Variants in ERBB4 observed in about 807,000 individuals in gnomAD.
The protein encoded by ERBB4 is receptor tyrosine-protein kinase erbB-4.
A neutral mutation model predicts 158.0 loss-of-function variants in ERBB4; 42 were observed. That is an observed-to-expected ratio of 0.27 (90% CI 0.21 to 0.34). ERBB4 has a LOEUF of 0.34. Among genes scored for constraint, ERBB4 ranks in the 10% least tolerant of loss-of-function variants. The pLI is 1.00. For synonymous variants in ERBB4, 583 were observed against 558.7 expected, an observed-to-expected ratio of 1.04 and a Z score of -0.61; for missense variants, 1,333 against 1,624.1, an observed-to-expected ratio of 0.82 and a Z score of 3.08.
chr2:211,902,497 A>C (rs2079262578), intron 3 of ERBB4, among the ~76,000 whole-genome samples: 1 of 152,008 alleles, frequency 6.6e-6, no homozygotes, highest in South Asian at 2.1e-4. Flanking sequence ...AAAATAATTT[A>C]AACACATTAT....
At chr2:212,174,494 C>T (rs1052781705) in intron 1 of ERBB4, among the ~76,000 whole-genome samples, 8 of 152,068 alleles carry the variant, frequency 5.3e-5, no homozygotes, top group Non-Finnish European at 5.9e-5. Context: ...CTTGCACTTC[C>T]TTTCAGTTGA....
At chr2:211,675,198 T>C (rs571126137) in intron 13 of ERBB4, among the ~76,000 whole-genome samples, 16 of 122,748 alleles carry the variant, frequency 1.3e-4, no homozygotes, top group African/African-American at 5.0e-4. Context: ...CTATTAAGTA[T>C]GAGCTTTGGA....
At chr2:211,690,545 A>G (rs10165301) in intron 12 of ERBB4, among the ~76,000 whole-genome samples, 2,545 of 152,300 alleles carry the variant, frequency 0.017, 52 homozygotes, top group African/African-American at 0.042. Context: ...TCAATAATAA[A>G]CAGGAAACCG....
chr2:212,466,827 A>G (rs1402457857), intron 1 of ERBB4, among the ~76,000 whole-genome samples: 1 of 152,220 alleles, frequency 6.6e-6, no homozygotes, highest in African/African-American at 2.4e-5. Flanking sequence ...CTGAAAAGAC[A>G]GCAAAATGTG....
At chr2:212,045,465 A>T (rs2077238114) in intron 2 of ERBB4, among the ~76,000 whole-genome samples, 1 of 152,216 alleles carries the variant, frequency 6.6e-6, no homozygotes, top group Non-Finnish European at 1.5e-5. Flanking sequence ...TTCTGTCTCA[A>T]CAAATTAAAG....
At chr2:211,977,194 G>C (rs979960033) in intron 2 of ERBB4, among the ~76,000 whole-genome samples, 1 of 152,076 alleles carries the variant, frequency 6.6e-6, no homozygotes, top group Non-Finnish European at 1.5e-5. Context: ...ACTTTTCTGA[G>C]GTGGATAGAG....
In ERBB4 at chr2:211,399,513, G is replaced by A. The variant is rs150488938; in HGVS notation, c.3136-11521C>T. ...ACATCTTCTTCTGCAGATGGCTTGGGTGGAATTGAACTCAGATGCAATTAT... is the reference window on the plus strand; with the variant it reads ...ACATCTTCTTCTGCAGATGGCTTGGATGGAATTGAACTCAGATGCAATTAT... On this transcript the variant is annotated intron_variant, in intron 25 of 27. Coordinates refer to ENST00000342788, the MANE Select transcript of ERBB4 (RefSeq NM_005235.3). Among the ~76,000 whole-genome samples, 890 of 152,246 alleles carry A rather than the reference G, an allele frequency of 5.8e-3. 10 individuals are homozygous for A. Among genetic ancestry groups the A allele is most frequent in the African/African-American group, 0.021 (856 of 41,560 alleles).
chr2:212,495,536 T>C (rs999275500), intron 1 of ERBB4, among the ~76,000 whole-genome samples: 5 of 152,174 alleles, frequency 3.3e-5, no homozygotes, highest in Non-Finnish European at 5.9e-5. Flanking sequence ...AAGTTTGTAT[T>C]GACAAAAAAA....
At chr2:212,110,944 A>T (rs2079385858) in intron 2 of ERBB4, among the ~76,000 whole-genome samples, 1 of 152,204 alleles carries the variant, frequency 6.6e-6, no homozygotes, top group African/African-American at 2.4e-5. Context: ...TAACACTTTC[A>T]TTCTCTGGCC....
intron 2 of ERBB4, among the ~76,000 whole-genome samples, chr2:212,010,365 T>A (rs1215763854): frequency 6.6e-6 from 1 of 152,180 alleles, no homozygotes; most frequent in Non-Finnish European, 1.5e-5. Context: ...AGTATTGTAA[T>A]TATTATTATT....
rs147811244 is a variant in ERBB4 at position 211,933,239 on chromosome 2, C to G, written c.421+14191G>C. On this transcript the variant is annotated intron_variant, in intron 3 of 27. Coordinates refer to ENST00000342788, the MANE Select transcript of ERBB4 (RefSeq NM_005235.3). ...TGCAATTTCTAAGTACGTGAAATGA[C>G]AGTGTAATGCACAGATGTGAAGTTC... Among the ~76,000 whole-genome samples, 323 of 152,144 alleles carry G rather than the reference C, an allele frequency of 2.1e-3. 3 individuals carry two copies. Among genetic ancestry groups the G allele is most frequent in the African/African-American group, 7.4e-3 (306 of 41,556 alleles).
At chr2:211,787,912 T>C in intron 4 of ERBB4, 113 bp downstream of exon 4, 1 of 1,015,524 alleles carries the variant, frequency 9.8e-7, no homozygotes, top group Non-Finnish European at 1.5e-6. Context: ...ACTGAACATT[T>C]CAATGAATGC....
At chr2:211,428,129 G>C (rs776385376) in intron 22 of ERBB4, among the ~76,000 whole-genome samples, 2 of 151,572 alleles carry the variant, frequency 1.3e-5, no homozygotes, top group African/African-American at 4.9e-5. Context: ...CCTAGATGAC[G>C]GGTTGATAGG....
intron 20 of ERBB4, among the ~76,000 whole-genome samples, chr2:211,436,858 C>T (rs1382207529): frequency 6.6e-6 from 1 of 152,114 alleles, no homozygotes; most frequent in Non-Finnish European, 1.5e-5. Context: ...AATTAGGAGA[C>T]ATATTAAAAG....
At chr2:212,534,779 G>C (rs1218285289) in intron 1 of ERBB4, among the ~76,000 whole-genome samples, 1 of 152,098 alleles carries the variant, frequency 6.6e-6, no homozygotes, top group East Asian at 1.9e-4. Context: ...AAACCAAAGG[G>C]ATGAAAGCTC....
chr2:211,471,144 G>A (rs1230445017), intron 20 of ERBB4, among the ~76,000 whole-genome samples: 1 of 152,018 alleles, frequency 6.6e-6, no homozygotes, highest in Non-Finnish European at 1.5e-5. Context: ...TATGAAGAGA[G>A]ACAAAAAGAC....
At chr2:212,483,951 T>C (rs1383524560) in intron 1 of ERBB4, among the ~76,000 whole-genome samples, 1 of 152,266 alleles carries the variant, frequency 6.6e-6, no homozygotes, top group East Asian at 1.9e-4. Flanking sequence ...TTAGCCAGCA[T>C]GGTCTCCATC....
At position 211,420,613 on chromosome 2, in the gene ERBB4, TAAAAG is replaced by T; in HGVS notation, c.2965-7_2965-3del. 6.2e-7 allele frequency: 1 copy of T among 1,604,640 alleles called. No homozygotes were observed. The highest frequency in any genetic ancestry group is 1.5e-5 in the African/African-American group (1 of 68,618). ...GGGAAGCTTCATACGATCATCACCC[TAAAAG>T]AAAGATTGCCCATCAGACACAAATA... On this transcript the variant is annotated splice_polypyrimidine_tract_variant and splice_region_variant and intron_variant, in intron 24 of 27. Transcript: ENST00000342788.
chr2:212,194,641 A>T (rs1365439487), intron 1 of ERBB4, among the ~76,000 whole-genome samples: 1 of 152,028 alleles, frequency 6.6e-6, no homozygotes, highest in East Asian at 1.9e-4. Context: ...GCACAGATCT[A>T]ATTGTTAAAT....
Sources: allele counts gnomAD v4.1 joint callset (sites outside exome capture counted in the v4.1 genomes callset), GRCh38; gene constraint gnomAD v4.1.1; transcripts MANE v1.5; gene names NCBI Gene and HGNC (gene_info 2026-07-23, HGNC 2026-07-21).